RSF1: variants seen among roughly 807,000 people sequenced by gnomAD.
RSF1 encodes remodeling and spacing factor 1.
In RSF1, 13 loss-of-function variants were observed where a neutral mutation model predicts 145.2. The ratio of observed to expected loss-of-function variants is 0.09; its 90% CI spans 0.06 to 0.14. RSF1 has a LOEUF of 0.14. Among genes scored for constraint, RSF1 ranks in the 10% least tolerant of loss-of-function variants. RSF1 has a pLI of 1.00. For missense variants in RSF1, 1,517 were observed against 1,718.2 expected, an observed-to-expected ratio of 0.88 and a Z score of 2.07; for synonymous variants, 577 against 592.6, an observed-to-expected ratio of 0.97 and a Z score of 0.38.
At position 77,813,343 on chromosome 11, in the gene RSF1, C is replaced by G; in HGVS notation, c.187+7185G>C. The G allele has an allele frequency of 8.8e-6, 8 of 904,666 alleles. No individual in the cohort carries two copies. In the South Asian group the frequency reaches 1.0e-4, roughly 12 times the overall value. The allele number at this position is 904,666 out of a possible 1,614,324, so 56.0% of individuals were successfully genotyped here. A position where few individuals can be genotyped will look rare whatever the true frequency, so the allele number is the denominator to read the frequency against. On this transcript the variant is annotated intron_variant, in intron 1 of 15. Transcript: ENST00000308488. ...CTTAAGCATCTGCAATGGTGACTTT[C>G]ACCTCAACTCCCGGCTCAAACTGAT... is the stretch of plus-strand genomic sequence containing the variant.
At chr11:77,802,266 T>C (rs1948633333) in intron 1 of RSF1, among the ~76,000 whole-genome samples, 1 of 152,168 alleles carries the variant, frequency 6.6e-6, no homozygotes, top group African/African-American at 2.4e-5. Flanking sequence ...CAATTTGTAG[T>C]CAAGTCAGAC....
At chr11:77,734,467 G>C in intron 4 of RSF1, 1 of 1,582,134 alleles carries the variant, frequency 6.3e-7, no homozygotes. Flanking sequence ...GGGGAAATTA[G>C]CCGAGGCTTA....
chr11:77,721,948 G>A (rs1445872674), intron 5 of RSF1, among the ~76,000 whole-genome samples: 1 of 152,196 alleles, frequency 6.6e-6, no homozygotes, highest in Non-Finnish European at 1.5e-5. Context: ...TGAGGCAAGA[G>A]GATTGCTTGA....
chr11:77,663,718 GTAC>G lies in RSF1; in HGVS notation c.*3196_*3198del, dbSNP rs1427295363. The G allele has an allele frequency of 1.3e-5, 2 of 152,160 alleles. No homozygotes were observed. The highest frequency in any genetic ancestry group is 2.9e-5 in the Non-Finnish European group (2 of 68,026). The allele number at this position is 152,160 out of a possible 1,614,324, so 9.4% of individuals were successfully genotyped here. A position where few individuals can be genotyped will look rare whatever the true frequency, so the allele number is the denominator to read the frequency against. On this transcript the variant is annotated 3_prime_UTR_variant, in exon 16 of 16. Transcript: ENST00000308488. ...TTACACTAATTTCATCAGCACTGAT[GTAC>G]AAAACCAAAACGTTTTCAGTCTGCG...
At position 77,689,319 on chromosome 11, in the gene RSF1, C is replaced by T. The variant is rs561963135; in HGVS notation, c.2900+1840G>A. 1.3e-4 allele frequency among the ~76,000 whole-genome samples: 20 copies of T among 152,204 alleles called. No homozygotes were observed. In the South Asian group the frequency reaches 3.9e-3, roughly 30 times the overall value. ...ACTTACATATGTCTCCTTTGATGGCCGCCCCACTTTCTATAGAGAATAAGT... is the reference window on the plus strand; with the variant it reads ...ACTTACATATGTCTCCTTTGATGGCTGCCCCACTTTCTATAGAGAATAAGT... On this transcript the variant is annotated intron_variant, in intron 9 of 15. Coordinates refer to ENST00000308488, the MANE Select transcript of RSF1 (RefSeq NM_016578.4).
At chr11:77,704,774 C>T (rs1236205506) in intron 5 of RSF1, among the ~76,000 whole-genome samples, 13 of 105,226 alleles carry the variant, frequency 1.2e-4, no homozygotes, top group South Asian at 5.8e-4. Flanking sequence ...TTTTTTGAGA[C>T]GAAGTTTCGC....
chr11:77,728,002 A>T (rs1961100109), intron 4 of RSF1, among the ~76,000 whole-genome samples: 1 of 152,212 alleles, frequency 6.6e-6, no homozygotes, highest in Non-Finnish European at 1.5e-5. Flanking sequence ...AATTCCCTCA[A>T]ATCACATCCA....
intron 4 of RSF1, among the ~76,000 whole-genome samples, chr11:77,726,666 A>G (rs567582456): frequency 6.6e-6 from 1 of 152,282 alleles, no homozygotes; most frequent in East Asian, 1.9e-4. Context: ...ATGCCACTAG[A>G]TTATTAATTA....
chr11:77,750,654 A>G (rs1240195073), intron 2 of RSF1, among the ~76,000 whole-genome samples: 1 of 152,158 alleles, frequency 6.6e-6, no homozygotes, highest in Non-Finnish European at 1.5e-5. Context: ...CCAGATCCTA[A>G]TTACATTGGT....
At chr11:77,783,767 A>G (rs942363810) in intron 1 of RSF1, among the ~76,000 whole-genome samples, 8 of 152,078 alleles carry the variant, frequency 5.3e-5, no homozygotes, top group Non-Finnish European at 1.0e-4. Flanking sequence ...GCTTGAGCCC[A>G]GGAAGTTGAG....
At chr11:77,700,121 G>A (rs1451733973) in intron 6 of RSF1, among the ~76,000 whole-genome samples, 1 of 152,036 alleles carries the variant, frequency 6.6e-6, no homozygotes, top group African/African-American at 2.4e-5. Flanking sequence ...GGGAGGCCGA[G>A]GTGGACGGAT....
intron 1 of RSF1, among the ~76,000 whole-genome samples, chr11:77,772,848 G>GAAAAA (rs1161762028): frequency 4.7e-5 from 4 of 85,180 alleles, no homozygotes; most frequent in African/African-American, 4.9e-5. Flanking sequence ...GCCCAAGATG[G>GAAAAA]AAAAAAAAAA....
At chr11:77,705,727 C>T (rs1253847466) in intron 5 of RSF1, among the ~76,000 whole-genome samples, 2 of 152,046 alleles carry the variant, frequency 1.3e-5, no homozygotes, top group Non-Finnish European at 2.9e-5. Context: ...ATTCTATACA[C>T]AATACCTGGA....
the RSF1 span, among the ~76,000 whole-genome samples, chr11:77,837,371 C>T: frequency 4.6e-5 from 7 of 151,252 alleles, no homozygotes; most frequent in Non-Finnish European, 8.8e-5. Flanking sequence ...CTCCTGACCT[C>T]GTGATCCGCC....
chr11:77,759,046 C>T (rs1417560862), intron 2 of RSF1, among the ~76,000 whole-genome samples: 2 of 152,250 alleles, frequency 1.3e-5, no homozygotes, highest in East Asian at 1.9e-4. Flanking sequence ...GAAGATTTCC[C>T]TTTATTTTTT....
At chr11:77,777,864 CCATTGTATTGAAAAATTAA>C (rs1948358286) in intron 1 of RSF1, among the ~76,000 whole-genome samples, 1 of 151,164 alleles carries the variant, frequency 6.6e-6, no homozygotes, top group African/African-American at 2.4e-5. Context: ...CAAAATTATT[CCATTGTATTGAAAAATTAA>C]CATCCTTACT....
At chr11:77,675,751 A>T (rs1375146519) in intron 13 of RSF1, among the ~76,000 whole-genome samples, 1 of 152,164 alleles carries the variant, frequency 6.6e-6, no homozygotes, top group African/African-American at 2.4e-5. Flanking sequence ...TACTCACCTT[A>T]ACTACAAAAG....
intron 1 of RSF1, among the ~76,000 whole-genome samples, chr11:77,801,159 GGCTTCCACCTGTAATCCCAGCA>G: frequency 6.6e-6 from 1 of 152,300 alleles, no homozygotes; most frequent in African/African-American, 2.4e-5. Context: ...TGGGCTCAGT[GGCTTCCACCTGTAATCCCAGCA>G]CTTTGGGACA....
At position 77,780,846 on chromosome 11, in the gene RSF1, C is replaced by T. The variant is rs1236184034; in HGVS notation, c.188-16157G>A. Among the ~76,000 whole-genome samples the T allele has an allele frequency of 1.4e-5, 2 of 142,968 alleles. 1 individual carries two copies. The allele number at this position is 142,968 out of a possible 152,430, so 93.8% of individuals were successfully genotyped here. ...TCTCAAAAAAAAAAAAAAAAAGAGA[C>T]TATGACTAAATAAATGGTTCTCCCA... On this transcript the variant is annotated intron_variant, in intron 1 of 15. Transcript: ENST00000308488.
Sources: gnomAD v4.1 joint callset for allele counts (sites outside exome capture counted in the v4.1 genomes callset) on GRCh38, gnomAD v4.1.1 for gene constraint, MANE v1.5 for transcripts, NCBI Gene and HGNC (gene_info 2026-07-23, HGNC 2026-07-21) for gene names.